The following MXRA7 variants were observed in gnomAD, a reference collection of about 807,000 sequenced individuals.
MXRA7 encodes matrix remodeling associated 7.
Under a neutral mutation model 17.4 loss-of-function variants are expected in MXRA7, and 18 were observed. The ratio of observed to expected loss-of-function variants is 1.03; its 90% confidence interval spans 0.71 to 1.53. The LOEUF (loss-of-function observed/expected upper bound fraction) is 1.53, where lower values mean the gene tolerates loss of function less well. MXRA7 is among the 40% of genes most tolerant of loss of function. The probability of loss-of-function intolerance (pLI) is 0.00; values close to 1 mark genes in which losing one functional copy is unlikely to be tolerated. For missense variants in MXRA7, 141 were observed against 209.3 expected (o/e 0.67, Z 2.01); for synonymous variants, 70 against 101.7 (o/e 0.69, Z 1.87).
chr17:76,694,890 C>T (rs573178811), intron 1 of MXRA7, among the ~76,000 whole-genome samples: 2,538 of 152,128 alleles, frequency 0.017, 88 homozygotes, highest in African/African-American at 0.058. Context: ...ATAACGGGGG[C>T]CGGGGGCCTG....
chr17:76,680,954 G>A (rs2076294961), intron 3 of MXRA7, 75 bp from the exon 4 acceptor site: 2 of 1,214,296 alleles, frequency 1.6e-6, no homozygotes, highest in African/African-American at 1.5e-5. Context: ...AGGAAAGGGG[G>A]AAATGGGGAC....
chr17:76,710,447 A>G (rs2076706819), intron 1 of MXRA7, among the ~76,000 whole-genome samples, 158 bp downstream of exon 1: 1 of 152,106 alleles, frequency 6.6e-6, no homozygotes, highest in Non-Finnish European at 1.5e-5. Flanking sequence ...GCGGCTTAGC[A>G]TGGCGGGACC....
chr17:76,695,428 T>G (rs867220156), intron 1 of MXRA7, among the ~76,000 whole-genome samples: 2 of 151,664 alleles, frequency 1.3e-5, no homozygotes, highest in Non-Finnish European at 2.9e-5. Context: ...ATACCAGAGC[T>G]CCATCGTCTA....
At chr17:76,677,750 G>C, downstream of MXRA7, 1 of 1,351,988 alleles carries the variant, frequency 7.4e-7, no homozygotes, top group Non-Finnish European at 1.1e-6. Context: ...CTAGCCCACT[G>C]GGGAGAGAGG....
chr17:76,689,506 GT>G (rs2076452887), intron 1 of MXRA7: 2 of 152,346 alleles, frequency 1.3e-5, no homozygotes, highest in South Asian at 4.1e-4. Context: ...CTATGGCGAA[GT>G]GGTGCCTGTG....
chr17:76,706,694 C>G (rs1382354886), intron 1 of MXRA7, among the ~76,000 whole-genome samples: 1 of 75,020 alleles, frequency 1.3e-5, no homozygotes, highest in East Asian at 2.7e-4. Flanking sequence ...TTAAGACAGA[C>G]AGATGAAGGC....
At chr17:76,709,592 CAG>C (rs2076697541) in intron 1 of MXRA7, 1 of 153,146 alleles carries the variant, frequency 6.5e-6, no homozygotes, top group East Asian at 1.9e-4. Context: ...CAGCACAGGA[CAG>C]AGTGGGCACG....
At chr17:76,709,786 T>C (rs2076700035) in intron 1 of MXRA7, 1 of 152,420 alleles carries the variant, frequency 6.6e-6, no homozygotes, top group Non-Finnish European at 1.5e-5. Flanking sequence ...GATGAGTGGA[T>C]GAGGGAAATC....
intron 1 of MXRA7, among the ~76,000 whole-genome samples, chr17:76,692,308 C>T (rs1341187605): frequency 2.7e-5 from 4 of 150,406 alleles, no homozygotes. Context: ...GGTTGGAGTG[C>T]AATGGTACGA....
At chr17:76,675,301 G>A (rs1598327831), downstream of MXRA7, 1 of 152,200 alleles carries the variant, frequency 6.6e-6, no homozygotes, top group Middle Eastern at 3.4e-3. Flanking sequence ...GGGCACCTAC[G>A]GGTTTGCCCT....
At chr17:76,688,628 C>A in intron 1 of MXRA7, 1 of 1,243,744 alleles carries the variant, frequency 8.0e-7, no homozygotes, top group Non-Finnish European at 1.0e-6. Flanking sequence ...TTTTCCATCC[C>A]CAACTCTCTC....
chr17:76,688,179 G>GC lies in MXRA7; in HGVS notation c.343-4dup. ...CCATCCAAGTCCTGCTCCTCTTCCT[G>GC]CAAGACAAGGACAGGGTCAGTGCCC... On this transcript the variant is annotated splice_polypyrimidine_tract_variant and splice_region_variant and intron_variant, in intron 1 of 3. Coordinates refer to ENST00000449428, the MANE Select transcript of MXRA7 (RefSeq NM_198530.4). 1 of 1,614,136 alleles carries GC rather than the reference G, an allele frequency of 6.2e-7. No individual in the cohort carries two copies. The highest frequency in any genetic ancestry group is 1.1e-5 in the South Asian group (1 of 91,076).
intron 1 of MXRA7, among the ~76,000 whole-genome samples, chr17:76,706,170 G>GAGGCCCACGCTGCCA (rs2076653834): frequency 2.8e-5 from 2 of 72,456 alleles, no homozygotes; most frequent in Non-Finnish European, 5.6e-5. Context: ...CCACGCTGCC[G>GAGGCCCACGCTGCCA]TCACAGAGGC....
At chr17:76,695,353 G>GGTGTGTGTGTGTGTGT (rs71158054) in intron 1 of MXRA7, among the ~76,000 whole-genome samples, 84 of 148,100 alleles carry the variant, frequency 5.7e-4, no homozygotes, top group African/African-American at 2.0e-3. Flanking sequence ...TTTAGCTTCA[G>GGTGTGTGTGTGTGTGT]GTGTGTGTGT....
At chr17:76,686,485 T>C (rs934699977) in intron 2 of MXRA7, among the ~76,000 whole-genome samples, 19 of 152,130 alleles carry the variant, frequency 1.2e-4, no homozygotes, top group Non-Finnish European at 2.2e-4. Flanking sequence ...AGTATCCCCC[T>C]ACCCCCCAAA....
intron 1 of MXRA7, among the ~76,000 whole-genome samples, chr17:76,692,504 C>T (rs1335416263): frequency 3.9e-5 from 6 of 152,028 alleles, no homozygotes; most frequent in African/African-American, 7.2e-5. Context: ...CCGCCCGTCT[C>T]GGCCTCCCAA....
Position 76,688,420 on chromosome 17 carries a change from C to G in MXRA7, c.343-244G>C, listed in dbSNP as rs1303737834. ...TGTTCTTGACTGTGCACCCCAAGCC[C>G]TCGGCCTTGGCCTTTCCCAGGTGGG... On this transcript the variant is annotated intron_variant, in intron 1 of 3. Transcript: ENST00000449428. 5.8e-6 allele frequency: 8 copies of G among 1,389,482 alleles called. No homozygotes were observed. The East Asian group carries it at 8.2e-5, about 14-fold the overall frequency. 86.1% of individuals were successfully genotyped at this position (1,389,482 alleles called of 1,614,324 possible).
chr17:76,684,210 A>C (rs1363442316), intron 3 of MXRA7, among the ~76,000 whole-genome samples: 2 of 152,120 alleles, frequency 1.3e-5, no homozygotes, highest in African/African-American at 4.8e-5. Flanking sequence ...TCTGATTCCA[A>C]AATCATAAAC....
chr17:76,688,267 C>T (rs746525145), intron 1 of MXRA7, 91 bp from the exon 2 acceptor site: 3 of 1,566,860 alleles, frequency 1.9e-6, no homozygotes, highest in East Asian at 2.3e-5. Context: ...CAGAGGAGGC[C>T]CTCGAAGGTC....
Sources: gnomAD v4.1 joint callset for allele counts (sites outside exome capture counted in the v4.1 genomes callset) on GRCh38, gnomAD v4.1.1 for gene constraint, MANE v1.5 for transcripts, NCBI Gene and HGNC (gene_info 2026-07-23, HGNC 2026-07-21) for gene names.